PKNOX2: variants seen among roughly 807,000 people sequenced by gnomAD.
PKNOX2 encodes the protein homeobox protein PKNOX2.
PKNOX2 carries 14 observed loss-of-function variants against 53.1 expected under a neutral mutation model. The observed-to-expected ratio is 0.26, with a 90% CI of 0.17 to 0.41. The LOEUF (loss-of-function observed/expected upper bound fraction) is 0.41. Ranked by LOEUF, PKNOX2 falls within the 10% of genes least tolerant of loss-of-function variation. The pLI is 1.00. For missense variants in PKNOX2, 496 were observed against 602.8 expected (o/e 0.82, Z 1.85); for synonymous variants, 257 against 242.8 (o/e 1.06, Z -0.54).
intron 12 of PKNOX2, among the ~76,000 whole-genome samples, 158 bp downstream of exon 12, chr11:125,430,299 G>A (rs1956636169): frequency 6.6e-6 from 1 of 152,160 alleles, no homozygotes; most frequent in South Asian, 2.1e-4. Context: ...CCTAAAGAAG[G>A]GGATGTTTTT....
intron 7 of PKNOX2, among the ~76,000 whole-genome samples, chr11:125,405,775 A>G (rs993044695): frequency 6.6e-6 from 1 of 152,192 alleles, no homozygotes; most frequent in Non-Finnish European, 1.5e-5. Flanking sequence ...CTGAGTCTCA[A>G]TCAACAGCAC....
chr11:125,387,094 TG>T (rs936478089), intron 6 of PKNOX2, among the ~76,000 whole-genome samples: 14 of 152,092 alleles, frequency 9.2e-5, no homozygotes, highest in African/African-American at 3.4e-4. Flanking sequence ...TCAGGTCCCA[TG>T]GGAAAGCTGC....
chr11:125,254,429 G>T (rs56166618), intron 2 of PKNOX2, among the ~76,000 whole-genome samples: 2 of 151,860 alleles, frequency 1.3e-5, no homozygotes, highest in African/African-American at 4.8e-5. Flanking sequence ...AGGGGAGAAA[G>T]AAAAGGGAAT....
intron 2 of PKNOX2, among the ~76,000 whole-genome samples, chr11:125,285,856 T>C (rs1211191804): frequency 1.3e-5 from 2 of 152,240 alleles, no homozygotes; most frequent in African/African-American, 2.4e-5. Context: ...CTACCATCCA[T>C]GCCCTTGAGG....
chr11:125,354,688 G>A (rs539171273), intron 4 of PKNOX2, among the ~76,000 whole-genome samples: 1 of 152,280 alleles, frequency 6.6e-6, no homozygotes, highest in South Asian at 2.1e-4. Flanking sequence ...TAATAAATTA[G>A]AATTTTTTTT....
chr11:125,298,271 G>T (rs1477300542), intron 2 of PKNOX2, among the ~76,000 whole-genome samples: 1 of 152,196 alleles, frequency 6.6e-6, no homozygotes. Context: ...GGCACTGGGA[G>T]ACCTGGAAAA....
intron 4 of PKNOX2, among the ~76,000 whole-genome samples, chr11:125,366,146 T>C (rs1006968708): frequency 6.6e-6 from 1 of 152,240 alleles, no homozygotes; most frequent in African/African-American, 2.4e-5. Context: ...GGTCACCAAT[T>C]TGCTTACTGA....
chr11:125,378,808 C>T (rs1174146671), intron 5 of PKNOX2, among the ~76,000 whole-genome samples: 1 of 152,200 alleles, frequency 6.6e-6, no homozygotes, highest in Admixed American at 6.5e-5. Flanking sequence ...TGACCACCCT[C>T]GCCCCCGCTC....
Position 125,242,015 on chromosome 11 carries a change from C to T in PKNOX2, c.-130+6900C>T, listed in dbSNP as rs973343965. ...TGGTGAAGGTGGAGGGGGATGGCGG[C>T]GGGGAGCAGGAGACTGATTTCTGCT... On this transcript the variant is annotated intron_variant, in intron 2 of 12. Transcript: ENST00000298282. 1.3e-3 allele frequency among the ~76,000 whole-genome samples: 197 copies of T among 151,904 alleles called. 2 individuals are homozygous for T. Among genetic ancestry groups the T allele is most frequent in the African/African-American group, 1.9e-4 (8 of 41,236 alleles).
rs927701918 is a variant in PKNOX2 at position 125,166,585 on chromosome 11, G to C, written c.-201+1809G>C. On this transcript the variant is annotated intron_variant, in intron 1 of 12. Coordinates refer to ENST00000298282, the MANE Select transcript of PKNOX2 (RefSeq NM_001382323.2). The surrounding 1 kb of genome is among the most constrained non-coding windows in gnomAD (Gnocchi z 4.0). ...GGCGCAGCGCGGCGGGGCGGGAGCGGTGGCCCGCAGGGGCCGCGGCCTGCG... is the reference window on the plus strand; with the variant it reads ...GGCGCAGCGCGGCGGGGCGGGAGCGCTGGCCCGCAGGGGCCGCGGCCTGCG... Among the ~76,000 whole-genome samples the C allele has an allele frequency of 6.6e-6, 1 of 152,144 alleles. No homozygotes were observed. Among genetic ancestry groups the C allele is most frequent in the African/African-American group, 2.4e-5 (1 of 41,450 alleles).
chr11:125,354,092 TG>T (rs1325309206), intron 4 of PKNOX2, among the ~76,000 whole-genome samples: 1 of 152,240 alleles, frequency 6.6e-6, no homozygotes, highest in Non-Finnish European at 1.5e-5. Context: ...CGTGCATGCC[TG>T]GCTGCTGGCA....
chr11:125,368,452 A>G (rs1044562965), intron 5 of PKNOX2, among the ~76,000 whole-genome samples: 2 of 152,228 alleles, frequency 1.3e-5, no homozygotes, highest in Admixed American at 1.3e-4. Context: ...TTTGGGCTTC[A>G]TCCTCAAAGA....
intron 9 of PKNOX2, chr11:125,411,147 G>A: frequency 2.5e-6 from 1 of 402,722 alleles, no homozygotes; most frequent in Non-Finnish European, 4.6e-6. Flanking sequence ...TCCCTCAGTG[G>A]TAGAGAGTGC....
chr11:125,212,542 C>G (rs1029679450), intron 1 of PKNOX2, among the ~76,000 whole-genome samples: 1 of 150,582 alleles, frequency 6.6e-6, no homozygotes, highest in Non-Finnish European at 1.5e-5. Flanking sequence ...GCAACCTCCG[C>G]CTCCCGGGTT....
At chr11:125,171,959 C>T (rs1652841461) in intron 1 of PKNOX2, among the ~76,000 whole-genome samples, 1 of 152,214 alleles carries the variant, frequency 6.6e-6, no homozygotes, top group East Asian at 1.9e-4. Context: ...GTGTTAACCA[C>T]AGGAGACAAC....
chr11:125,338,490 G>C (rs1024343139), intron 3 of PKNOX2, among the ~76,000 whole-genome samples: 4 of 152,174 alleles, frequency 2.6e-5, no homozygotes, highest in Non-Finnish European at 4.4e-5. Flanking sequence ...TCTTAGAAGA[G>C]TAGCCCCGTT....
chr11:125,363,937 A>G (rs1483032834), intron 4 of PKNOX2, among the ~76,000 whole-genome samples: 1 of 152,206 alleles, frequency 6.6e-6, no homozygotes, highest in Admixed American at 6.5e-5. Flanking sequence ...GGCCAATTTC[A>G]AGCTCTCAAT....
chr11:125,420,251 G>A (rs1263232111), intron 10 of PKNOX2, among the ~76,000 whole-genome samples: 1 of 150,648 alleles, frequency 6.6e-6, no homozygotes, highest in Non-Finnish European at 1.5e-5. Context: ...ATGGGGGCCG[G>A]GCACGGTGGC....
chr11:125,289,688 T>C (rs552125031), intron 2 of PKNOX2, among the ~76,000 whole-genome samples: 3 of 152,012 alleles, frequency 2.0e-5, no homozygotes, highest in Admixed American at 1.3e-4. Flanking sequence ...AAAAACCAAA[T>C]GTTACCCGGG....
Sources: allele counts gnomAD v4.1 joint callset (sites outside exome capture counted in the v4.1 genomes callset), GRCh38; gene constraint gnomAD v4.1.1; non-coding constraint Gnocchi (gnomAD v3.1); transcripts MANE v1.5; gene names NCBI Gene and HGNC (gene_info 2026-07-23, HGNC 2026-07-21).